FHIT: variants seen among roughly 807,000 people sequenced by gnomAD.
The protein encoded by FHIT is bis(5'-adenosyl)-triphosphatase.
Under a neutral mutation model 17.9 loss-of-function variants are expected in FHIT, and 19 were observed. That is an observed-to-expected ratio of 1.06 (90% CI 0.74 to 1.56). The LOEUF (loss-of-function observed/expected upper bound fraction) is 1.56. Ranked by LOEUF, FHIT falls within the 40% of genes most tolerant of loss-of-function variation. The pLI, the probability that FHIT is intolerant of heterozygous loss-of-function variation, is 0.00. For synonymous variants in FHIT, 81 were observed against 69.7 expected (o/e 1.16, Z -0.81); for missense variants, 248 against 189.2 (o/e 1.31, Z -1.82).
chr3:60,432,855 T>A (rs1452724498), intron 5 of FHIT, among the ~76,000 whole-genome samples: 1 of 152,098 alleles, frequency 6.6e-6, no homozygotes, highest in African/African-American at 2.4e-5. Context: ...GAAAACACAT[T>A]TTTGTGTTTG....
At chr3:60,758,785 T>C (rs1205581467) in intron 4 of FHIT, among the ~76,000 whole-genome samples, 1 of 152,212 alleles carries the variant, frequency 6.6e-6, no homozygotes, top group Non-Finnish European at 1.5e-5. Context: ...GCCTACTCTC[T>C]TGGAGCTTAC....
chr3:61,182,758 G>A (rs13074038), intron 2 of FHIT, among the ~76,000 whole-genome samples: 2 of 152,068 alleles, frequency 1.3e-5, no homozygotes, highest in African/African-American at 2.4e-5. Context: ...GGGTATGGGG[G>A]GTGGGGTTGG....
intron 2 of FHIT, among the ~76,000 whole-genome samples, chr3:61,175,773 A>T (rs2038139871): frequency 6.6e-6 from 1 of 152,106 alleles, no homozygotes. Context: ...GGAATTAGAG[A>T]GCAGCCCTCA....
At chr3:60,494,148 G>C (rs546341268) in intron 5 of FHIT, among the ~76,000 whole-genome samples, 18 of 152,182 alleles carry the variant, frequency 1.2e-4, no homozygotes, top group African/African-American at 4.3e-4. Flanking sequence ...CACCATATCT[G>C]TTTCCAGAAT....
chr3:60,964,510 G>A (rs1553782396), intron 3 of FHIT, among the ~76,000 whole-genome samples: 4 of 152,142 alleles, frequency 2.6e-5, no homozygotes, highest in Non-Finnish European at 1.5e-5. Flanking sequence ...ATTAGTTGGT[G>A]CAGTTTCTTC....
intron 8 of FHIT, among the ~76,000 whole-genome samples, chr3:59,913,632 C>T (rs1704990205): frequency 6.6e-6 from 1 of 152,030 alleles, no homozygotes; most frequent in African/African-American, 2.4e-5. Context: ...TTCTCAATGA[C>T]AATAATAATT....
chr3:60,315,334 T>C (rs1012015556), intron 5 of FHIT, among the ~76,000 whole-genome samples: 2 of 152,192 alleles, frequency 1.3e-5, no homozygotes, highest in African/African-American at 4.8e-5. Flanking sequence ...CTTAAGTGTA[T>C]AGCTCTGCTC....
intron 5 of FHIT, among the ~76,000 whole-genome samples, chr3:60,197,235 T>A (rs1702687985): frequency 6.6e-6 from 1 of 152,100 alleles, no homozygotes; most frequent in Non-Finnish European, 1.5e-5. Context: ...CTCTTGTCAA[T>A]GTAAACTGTG....
At position 59,754,006 on chromosome 3, in the gene FHIT, T is replaced by TGAA. The variant is rs535417411; in HGVS notation, c.349-1686_349-1685insTTC. ...ATCCTTTAAAAATAATTTTGCCAAC[T>TGAA]CAGCAAAAAGTCTATCAACTAATAA... On this transcript the variant is annotated intron_variant, in intron 8 of 9. Transcript: ENST00000492590. 9.5e-4 allele frequency among the ~76,000 whole-genome samples: 145 copies of TGAA among 151,900 alleles called. 1 individual carries two copies. Among genetic ancestry groups the TGAA allele is most frequent in the Middle Eastern group, 3.4e-3 (1 of 294 alleles).
intron 4 of FHIT, among the ~76,000 whole-genome samples, chr3:60,605,463 G>A (rs543483804): frequency 1.3e-5 from 2 of 152,258 alleles, no homozygotes; most frequent in Non-Finnish European, 2.9e-5. Flanking sequence ...GTACGGATTA[G>A]GACATACTTG....
chr3:60,715,810 T>A (rs2041668705), intron 4 of FHIT, among the ~76,000 whole-genome samples: 1 of 152,108 alleles, frequency 6.6e-6, no homozygotes, highest in Admixed American at 6.6e-5. Context: ...ATTTGCATCA[T>A]TAATGAAAAT....
intron 4 of FHIT, among the ~76,000 whole-genome samples, chr3:60,545,841 A>T (rs1402839671): frequency 1.8e-5 from 2 of 110,658 alleles, no homozygotes; most frequent in African/African-American, 3.7e-5. Context: ...TATACATGAG[A>T]CATCAAATTG....
intron 5 of FHIT, among the ~76,000 whole-genome samples, chr3:60,079,827 T>C (rs973780975): frequency 6.6e-6 from 1 of 151,972 alleles, no homozygotes; most frequent in Non-Finnish European, 1.5e-5. Flanking sequence ...AGAAAATGAA[T>C]GCAGGGAAGG....
chr3:60,234,290 T>G (rs575837004), intron 5 of FHIT, among the ~76,000 whole-genome samples: 1 of 152,316 alleles, frequency 6.6e-6, no homozygotes, highest in South Asian at 2.1e-4. Flanking sequence ...TATTAATGAA[T>G]AGTTAACACT....
intron 3 of FHIT, among the ~76,000 whole-genome samples, chr3:60,880,859 GAAGA>G (rs1553757820): frequency 6.6e-6 from 1 of 152,066 alleles, no homozygotes; most frequent in African/African-American, 2.4e-5. Context: ...AATAATAAGA[GAAGA>G]AAGAACAAAG....
chr3:60,657,563 T>C (rs1412581165), intron 4 of FHIT, among the ~76,000 whole-genome samples: 3 of 152,186 alleles, frequency 2.0e-5, no homozygotes, highest in Admixed American at 1.3e-4. Context: ...AAATATGTAT[T>C]ATGTACCATC....
intron 2 of FHIT, chr3:61,165,810 G>A (rs1423359029): frequency 6.6e-6 from 1 of 152,192 alleles, no homozygotes; most frequent in East Asian, 1.9e-4. Context: ...ACTCCAGCCT[G>A]GGTGACAAGA....
intron 4 of FHIT, among the ~76,000 whole-genome samples, chr3:60,741,350 G>C (rs2042237161): frequency 6.6e-6 from 1 of 152,206 alleles, no homozygotes; most frequent in Non-Finnish European, 1.5e-5. Flanking sequence ...AGTTTAAGGA[G>C]TTTGTAGACA....
chr3:60,220,268 G>A (rs1166002264), intron 5 of FHIT, among the ~76,000 whole-genome samples: 10 of 152,028 alleles, frequency 6.6e-5, no homozygotes, highest in Non-Finnish European at 1.5e-5. Context: ...AATCAGACCT[G>A]ATAAAACTGG....
Sources: allele counts gnomAD v4.1 joint callset (sites outside exome capture counted in the v4.1 genomes callset), GRCh38; gene constraint gnomAD v4.1.1; transcripts MANE v1.5; gene names NCBI Gene and HGNC (gene_info 2026-07-23, HGNC 2026-07-21).